Variants in ASB14 observed in about 807,000 individuals in gnomAD.
The protein encoded by ASB14 is ankyrin repeat and SOCS box containing 14, also known as ankyrin repeat and SOCS box protein 14.
A neutral mutation model predicts 55.6 loss-of-function variants in ASB14; 63 were observed. The ratio of observed to expected loss-of-function variants is 1.13; its 90% confidence interval spans 0.92 to 1.40. ASB14 has a LOEUF of 1.40. Among genes scored for constraint, ASB14 ranks in the 40% most tolerant of loss-of-function variants. The pLI is 0.00. For missense variants in ASB14, 724 were observed against 710.4 expected, an observed-to-expected ratio of 1.02 and a Z score of -0.22; for synonymous variants, 256 against 259.9, an observed-to-expected ratio of 0.98 and a Z score of 0.15.
At chr3:57,280,996 T>C (rs539749222) in intron 6 of ASB14, among the ~76,000 whole-genome samples, 30 of 152,218 alleles carry the variant, frequency 2.0e-4, no homozygotes, top group Non-Finnish European at 4.0e-4. Context: ...TAAGTTGTTG[T>C]AGTTATTAGT....
intron 7 of ASB14, among the ~76,000 whole-genome samples, chr3:57,279,264 C>CTTT (rs869152915): frequency 9.1e-5 from 8 of 88,076 alleles, no homozygotes; most frequent in African/African-American, 2.7e-4. Context: ...AAGAGTTTTT[C>CTTT]TTTTTTTTTT....
At chr3:57,275,861 G>GA (rs1277789301) in intron 10 of ASB14, among the ~76,000 whole-genome samples, 3 of 152,110 alleles carry the variant, frequency 2.0e-5, no homozygotes, top group African/African-American at 7.2e-5. Flanking sequence ...TTTAAACATA[G>GA]AAAAGGTACA....
intron 2 of ASB14, 36 bp from the exon 3 acceptor site, chr3:57,289,159 TGAG>T: frequency 7.2e-7 from 1 of 1,394,174 alleles, no homozygotes; most frequent in East Asian, 2.5e-5. Context: ...ATTCCAAAAC[TGAG>T]GAGAAAAAAC....
intron 3 of ASB14, among the ~76,000 whole-genome samples, chr3:57,288,671 AG>A (rs1205097380): frequency 7.0e-6 from 1 of 143,140 alleles, no homozygotes; most frequent in African/African-American, 2.5e-5. Context: ...CTGAGCTTCG[AG>A]GGGAAATGCT....
chr3:57,268,664 T>A lies in ASB14; in HGVS notation c.*977A>T. 9.3e-6 allele frequency: 5 copies of A among 540,048 alleles called. No homozygotes were observed. The highest frequency in any genetic ancestry group is 1.4e-5 in the Non-Finnish European group (5 of 346,122). The allele number at this position is 540,048 out of a possible 1,614,324, so 33.5% of individuals were successfully genotyped here. On this transcript the variant is annotated 3_prime_UTR_variant, in exon 11 of 11. Coordinates refer to ENST00000487349, the MANE Select transcript of ASB14 (RefSeq NM_001142733.3). ...TCACATCTGTTTTTTGATATGATGT[T>A]TACATTATAGTTACGTTGACATGTA... is the stretch of plus-strand genomic sequence containing the variant.
intron 8 of ASB14, 39 bp from the exon 9 acceptor site, chr3:57,277,959 A>G (rs776784174): frequency 1.0e-5 from 16 of 1,563,664 alleles, no homozygotes; most frequent in Non-Finnish European, 1.3e-5. Context: ...AGTAAATGAA[A>G]AACACAAAGT....
rs770299743 is a variant in ASB14, at chr3:57,276,509, T to C, written c.*22+19A>G. On this transcript the variant is annotated intron_variant, in intron 10 of 10. Coordinates refer to ENST00000487349, the MANE Select transcript of ASB14 (RefSeq NM_001142733.3). The stretch of plus-strand genomic sequence containing the variant: ...CATACATAAGTGAAATTTTAAGGAA[T>C]ACAGCTGCAAAATTATACCTTTTCC... 6.5e-7 allele frequency: 1 copy of C among 1,537,036 alleles called. No homozygotes were observed. The highest frequency in any genetic ancestry group is 8.9e-7 in the Non-Finnish European group (1 of 1,126,374).
At chr3:57,292,216 T>A in intron 1 of ASB14, 112 bp from the exon 2 acceptor site, 1 of 786,320 alleles carries the variant, frequency 1.3e-6, no homozygotes, top group Non-Finnish European at 1.8e-6. Context: ...TCTATAAACT[T>A]AAAAAAGTTT....
chr3:57,277,654 TG>T, intron 9 of ASB14, 112 bp downstream of exon 9: 1 of 918,074 alleles, frequency 1.1e-6, no homozygotes, highest in Non-Finnish European at 1.6e-6. Flanking sequence ...AGTATTTTTC[TG>T]GTTTAAGTCA....
intron 5 of ASB14, among the ~76,000 whole-genome samples, chr3:57,287,405 T>C (rs62251999): frequency 0.18 from 27,814 of 152,024 alleles, 2,857 homozygotes; most frequent in African/African-American, 0.25. Context: ...GCAGTCTCAA[T>C]TATGTTTGCT....
At position 57,278,876 on chromosome 3, in the gene ASB14, T is replaced by G. The variant is rs751727150; in HGVS notation, c.932A>C (p.Lys311Thr). ...GTGAACTGGACTGATCCCACTCTGCTTAATGGCAGCAAGATCCGTAACTGG... is the reference window on the plus strand; with the variant it reads ...GTGAACTGGACTGATCCCACTCTGCGTAATGGCAGCAAGATCCGTAACTGG... ...LIPVTDLAAI[K>T]QSGISPVHCA... The change falls in exon 8 of 11, where the codon AAG becomes ACG. Residue 311 changes from lysine to threonine, a missense_variant. Transcript: ENST00000487349. 1 of 1,613,774 alleles carries G rather than the reference T, an allele frequency of 6.2e-7. No homozygotes were observed. Among genetic ancestry groups the G allele is most frequent in the South Asian group, 1.1e-5 (1 of 91,066 alleles).
At chr3:57,270,688 T>C (rs1185590185) in intron 10 of ASB14, 2 of 152,604 alleles carry the variant, frequency 1.3e-5, no homozygotes, top group African/African-American at 2.4e-5. Flanking sequence ...AGTATTTTCA[T>C]AATGCCATGT....
In ASB14 at chr3:57,292,659, G is replaced by C. The variant is rs534240; in HGVS notation, c.-98C>G. On this transcript the variant is annotated 5_prime_UTR_variant, in exon 1 of 11. Transcript: ENST00000487349. ...TTTTGTTTTATCCTCTAGGACAGCA[G>C]TGAAGTTTTCACTGTTAAGGACTAA... 148,602 of 152,384 alleles carry C rather than the reference G, an allele frequency of 0.98. 72,467 individuals carry two copies. Among genetic ancestry groups the C allele is most frequent in the East Asian group, 0.99 (5,137 of 5,174 alleles). 9.4% of individuals were successfully genotyped at this position (152,384 alleles called of 1,614,324 possible).
chr3:57,274,913 T>G (rs1432360001), intron 10 of ASB14, among the ~76,000 whole-genome samples: 1 of 152,178 alleles, frequency 6.6e-6, no homozygotes, highest in East Asian at 1.9e-4. Context: ...GACACACATT[T>G]CTCAATATTG....
intron 9 of ASB14, 50 bp from the exon 10 acceptor site, chr3:57,276,778 G>A: frequency 6.6e-7 from 1 of 1,506,794 alleles, no homozygotes; most frequent in Non-Finnish European, 9.0e-7. Flanking sequence ...TTTTTTTTTA[G>A]TATCTTAGGG....
intron 5 of ASB14, among the ~76,000 whole-genome samples, chr3:57,287,070 C>A (rs942125529): frequency 1.8e-4 from 28 of 152,328 alleles, no homozygotes; most frequent in African/African-American, 6.3e-4. Flanking sequence ...AAGTTAATGA[C>A]AATTTCCCTT....
At position 57,283,344 on chromosome 3, in the gene ASB14, C is replaced by T. The variant is rs1022284959; in HGVS notation, c.565G>A (p.Glu189Lys). The T allele has an allele frequency of 3.0e-5, 47 of 1,551,662 alleles. No individual in the cohort carries two copies. Among genetic ancestry groups the T allele is most frequent in the Non-Finnish European group, 3.7e-5 (42 of 1,147,020 alleles). The change falls in exon 6 of 11, where the codon GAA becomes AAA. Residue 189 changes from glutamate (E) to lysine (K), a missense_variant. By Grantham distance (56) the Glu-to-Lys change is moderately conservative. Coordinates refer to ENST00000487349, the MANE Select transcript of ASB14 (RefSeq NM_001142733.3). ...RCANERTALH[E>K]AAKLGREDMV... The stretch of plus-strand genomic sequence containing the variant: ...TCCTCTCTGCCCAGTTTGGCTGCTT[C>T]GTGGAGAGCTGTCCTCTCGTTGGCA...
intron 8 of ASB14, among the ~76,000 whole-genome samples, 185 bp from the exon 9 acceptor site, chr3:57,278,105 C>T (rs1209380955): frequency 6.6e-6 from 1 of 152,048 alleles, no homozygotes; most frequent in Admixed American, 6.6e-5. Flanking sequence ...GAAATAAGAT[C>T]AAAATAAATC....
intron 10 of ASB14, chr3:57,270,521 C>T (rs530517049): frequency 6.5e-6 from 1 of 152,724 alleles, no homozygotes; most frequent in African/African-American, 2.4e-5. Context: ...TGGAATGATA[C>T]ATTGTATTTT....
Sources: allele counts gnomAD v4.1 joint callset (sites outside exome capture counted in the v4.1 genomes callset), GRCh38; gene constraint gnomAD v4.1.1; transcripts MANE v1.5; gene names NCBI Gene and HGNC (gene_info 2026-07-23, HGNC 2026-07-21).